NXPH1: variants seen among roughly 807,000 people sequenced by gnomAD.
The protein encoded by NXPH1 is neurexophilin 1.
In NXPH1, 5 loss-of-function variants were observed where a neutral mutation model predicts 23.7. That is an observed-to-expected ratio of 0.21 (90% confidence interval 0.11 to 0.44). The LOEUF is 0.44. NXPH1 is among the 20% of genes least tolerant of loss of function. The probability of loss-of-function intolerance (pLI) is 0.99; values close to 1 mark genes in which losing one functional copy is unlikely to be tolerated. For missense variants in NXPH1, 324 were observed against 321.6 expected (o/e 1.01, Z -0.06); for synonymous variants, 144 against 122.2 (o/e 1.18, Z -1.18).
intron 2 of NXPH1, among the ~76,000 whole-genome samples, chr7:8,675,624 C>G (rs148968589): frequency 6.6e-6 from 1 of 152,196 alleles, no homozygotes; most frequent in African/African-American, 2.4e-5. Context: ...AACTTCCGTA[C>G]AATATGGTGA....
chr7:8,492,761 A>G (rs1177446046), intron 2 of NXPH1, among the ~76,000 whole-genome samples: 1 of 152,014 alleles, frequency 6.6e-6, no homozygotes, highest in Non-Finnish European at 1.5e-5. Context: ...TGGTGGAGGG[A>G]GCACTTAGAA....
intron 2 of NXPH1, among the ~76,000 whole-genome samples, chr7:8,511,164 G>A (rs556840687): frequency 6.6e-6 from 1 of 152,230 alleles, no homozygotes; most frequent in African/African-American, 2.4e-5. Context: ...ATTATGTATA[G>A]CATTAAAGAA....
chr7:8,715,048 C>G (rs566393844), intron 2 of NXPH1, among the ~76,000 whole-genome samples: 3 of 152,126 alleles, frequency 2.0e-5, no homozygotes, highest in Non-Finnish European at 4.4e-5. Flanking sequence ...GTTTAGACAG[C>G]CTTTCAAGTT....
intron 2 of NXPH1, among the ~76,000 whole-genome samples, chr7:8,746,398 G>A (rs190890386): frequency 1.3e-4 from 20 of 152,286 alleles, no homozygotes; most frequent in Admixed American, 1.0e-3. Context: ...GAGGCTTCCT[G>A]ACTGTCAGCA....
intron 2 of NXPH1, among the ~76,000 whole-genome samples, chr7:8,528,603 G>C (rs1222409358): frequency 6.6e-6 from 1 of 152,122 alleles, no homozygotes; most frequent in Non-Finnish European, 1.5e-5. Context: ...TTTTGCAGTG[G>C]TCTCTTCTCC....
At chr7:8,494,213 AT>A (rs141332633) in intron 2 of NXPH1, among the ~76,000 whole-genome samples, 6 of 151,554 alleles carry the variant, frequency 4.0e-5, no homozygotes, top group Non-Finnish European at 7.4e-5. Flanking sequence ...TAGGAGAATG[AT>A]TTTTTTTGGC....
At chr7:8,650,150 A>G (rs1014360609) in intron 2 of NXPH1, among the ~76,000 whole-genome samples, 1 of 152,230 alleles carries the variant, frequency 6.6e-6, no homozygotes, top group Admixed American at 6.5e-5. Flanking sequence ...TGTGTGATAT[A>G]GGAAAATCTG....
At chr7:8,600,920 G>T (rs1363117662) in intron 2 of NXPH1, among the ~76,000 whole-genome samples, 1 of 149,298 alleles carries the variant, frequency 6.7e-6, no homozygotes, top group Non-Finnish European at 1.5e-5. Flanking sequence ...TGAATGTGTA[G>T]ACCTTTTTTT....
intron 2 of NXPH1, among the ~76,000 whole-genome samples, chr7:8,711,712 AT>A (rs1779798958): frequency 6.6e-6 from 1 of 152,136 alleles, no homozygotes. Context: ...GGGGATGGAG[AT>A]GCTGCAGAAT....
intron 2 of NXPH1, among the ~76,000 whole-genome samples, chr7:8,474,426 C>T (rs117640992): frequency 6.6e-6 from 1 of 152,008 alleles, no homozygotes; most frequent in South Asian, 2.1e-4. Context: ...AAGATAATCA[C>T]CCACAATATC....
chr7:8,483,970 T>A (rs1328675240), intron 2 of NXPH1, among the ~76,000 whole-genome samples: 3 of 151,216 alleles, frequency 2.0e-5, no homozygotes, highest in Non-Finnish European at 4.4e-5. Context: ...CCCACCTTTT[T>A]TTTTTTTTTT....
At chr7:8,501,382 C>T (rs1327264862) in intron 2 of NXPH1, among the ~76,000 whole-genome samples, 1 of 151,932 alleles carries the variant, frequency 6.6e-6, no homozygotes, top group Non-Finnish European at 1.5e-5. Context: ...AGTGCCTGGA[C>T]ACAGTGATTT....
intron 2 of NXPH1, among the ~76,000 whole-genome samples, chr7:8,588,159 A>T (rs1819017411): frequency 6.6e-6 from 1 of 152,164 alleles, no homozygotes; most frequent in South Asian, 2.1e-4. Context: ...GGGAGTGTAA[A>T]TTAGTTCAAC....
chr7:8,435,430 A>G lies in NXPH1; in HGVS notation c.-110-174A>G. Reference sequence around the variant, plus strand: ...CGCCCGCCCGCCTCCCCAGCTGCGGACCGCGCGCTTGCTGGTCTCAGGCGC... The same window carrying G: ...CGCCCGCCCGCCTCCCCAGCTGCGGGCCGCGCGCTTGCTGGTCTCAGGCGC... On this transcript the variant is annotated intron_variant, in intron 1 of 2. Coordinates refer to ENST00000405863, the MANE Select transcript of NXPH1 (RefSeq NM_152745.3). The surrounding 1 kb of genome is among the most constrained non-coding windows in gnomAD (Gnocchi z 5.9). 2.0e-6 allele frequency: 1 copy of G among 507,216 alleles called. No homozygotes were observed. The highest frequency in any genetic ancestry group is 2.3e-5 in the South Asian group (1 of 44,402). The allele number at this position is 507,216 out of a possible 1,614,324, so 31.4% of individuals were successfully genotyped here. A position where few individuals can be genotyped will look rare whatever the true frequency, so the allele number is the denominator to read the frequency against.
intron 2 of NXPH1, among the ~76,000 whole-genome samples, chr7:8,736,236 G>T (rs1780252054): frequency 6.6e-6 from 1 of 152,134 alleles, no homozygotes; most frequent in South Asian, 2.1e-4. Context: ...GTTGATTTTA[G>T]ATCTTTCCTC....
intron 2 of NXPH1, among the ~76,000 whole-genome samples, chr7:8,647,981 A>C (rs1447911111): frequency 1.3e-5 from 2 of 152,158 alleles, no homozygotes; most frequent in Non-Finnish European, 2.9e-5. Context: ...GGCCTATATG[A>C]AACTATCCAA....
chr7:8,434,774 C>G lies in NXPH1; in HGVS notation c.-111+19C>G, dbSNP rs920165026. The G allele has an allele frequency of 6.6e-6, 1 of 152,632 alleles. No homozygotes were observed. The highest frequency in any genetic ancestry group is 1.5e-5 in the Non-Finnish European group (1 of 68,116). The allele number at this position is 152,632 out of a possible 1,614,324, so 9.5% of individuals were successfully genotyped here. Reference sequence around the variant, plus strand: ...CTGTGCGGTACGTACCCTTTGCCTCCGCTGTTCCCGGAGGGTACACCTGGG... The same window carrying G: ...CTGTGCGGTACGTACCCTTTGCCTCGGCTGTTCCCGGAGGGTACACCTGGG... On this transcript the variant is annotated intron_variant, in intron 1 of 2. Transcript: ENST00000405863. The surrounding 1 kb of genome is among the most constrained non-coding windows in gnomAD (Gnocchi z 7.6).
chr7:8,468,390 C>G (rs1816818459), intron 2 of NXPH1, among the ~76,000 whole-genome samples: 1 of 152,040 alleles, frequency 6.6e-6, no homozygotes, highest in Admixed American at 6.6e-5. Flanking sequence ...AAAATGTCTT[C>G]TTTGAAAATG....
chr7:8,669,554 G>T (rs1820833656), intron 2 of NXPH1, among the ~76,000 whole-genome samples: 1 of 152,160 alleles, frequency 6.6e-6, no homozygotes, highest in Non-Finnish European at 1.5e-5. Flanking sequence ...ATGTGGGCTT[G>T]CCCAGCTGTG....
Sources: allele counts gnomAD v4.1 joint callset (sites outside exome capture counted in the v4.1 genomes callset), GRCh38; gene constraint gnomAD v4.1.1; non-coding constraint Gnocchi (gnomAD v3.1); transcripts MANE v1.5; gene names NCBI Gene and HGNC (gene_info 2026-07-23, HGNC 2026-07-21).